DGLUCY: variants seen among roughly 807,000 people sequenced by gnomAD.
DGLUCY encodes the protein D-glutamate cyclase, mitochondrial.
In DGLUCY, 58 loss-of-function variants were observed where a neutral mutation model predicts 58.5. That is an observed-to-expected ratio of 0.99 (90% CI 0.80 to 1.23). DGLUCY has a LOEUF of 1.23. DGLUCY is among the 50% of genes most tolerant of loss of function. DGLUCY has a pLI of 0.00. For missense variants in DGLUCY, 779 were observed against 784.7 expected (o/e 0.99, Z 0.09); for synonymous variants, 325 against 314.1 (o/e 1.03, Z -0.37).
chr14:91,122,592 A>G (rs1262199017), intron 1 of DGLUCY, among the ~76,000 whole-genome samples: 4 of 147,542 alleles, frequency 2.7e-5, no homozygotes, highest in African/African-American at 7.5e-5. Flanking sequence ...AACTATAATA[A>G]AAGAAAAAAG....
At chr14:91,204,563 C>A in intron 11 of DGLUCY, 143 bp from the exon 12 acceptor site, 1 of 1,149,806 alleles carries the variant, frequency 8.7e-7, no homozygotes, top group Non-Finnish European at 1.2e-6. Context: ...GGAAGTACCA[C>A]AACTCCTGGT....
chr14:91,214,916 C>T (rs549566714), intron 12 of DGLUCY, among the ~76,000 whole-genome samples: 8 of 152,136 alleles, frequency 5.3e-5, no homozygotes, highest in South Asian at 2.1e-4. Context: ...TTTGGGAGGC[C>T]GAGATGGGTG....
Sources: allele counts gnomAD v4.1 joint callset (sites outside exome capture counted in the v4.1 genomes callset), GRCh38; gene constraint gnomAD v4.1.1; transcripts MANE v1.5; gene names NCBI Gene and HGNC (gene_info 2026-07-23, HGNC 2026-07-21).